KIAA0930: variants seen among roughly 807,000 people sequenced by gnomAD.
KIAA0930 encodes the protein uncharacterized protein KIAA0930.
KIAA0930 carries 24 observed loss-of-function variants against 43.9 expected under a neutral mutation model. The ratio of observed to expected loss-of-function variants is 0.55; its 90% CI spans 0.40 to 0.77. The LOEUF (loss-of-function observed/expected upper bound fraction) is 0.77, where lower values mean the gene tolerates loss of function less well. Among genes scored for constraint, KIAA0930 ranks in the 30% least tolerant of loss-of-function variants. The pLI, the probability that KIAA0930 is intolerant of heterozygous loss-of-function variation, is 0.00. For missense variants in KIAA0930, 461 were observed against 574.2 expected, an observed-to-expected ratio of 0.80 and a Z score of 2.02; for synonymous variants, 259 against 216.4, an observed-to-expected ratio of 1.20 and a Z score of -1.73.
At position 45,193,105 on chromosome 22, in the gene KIAA0930, C is replaced by T. The variant is rs994982023; in HGVS notation, c.*4071G>A. 12 of 152,164 alleles carry T rather than the reference C, an allele frequency of 7.9e-5. No homozygotes were observed. Among genetic ancestry groups the T allele is most frequent in the African/African-American group, 2.9e-4 (12 of 41,420 alleles). 9.4% of individuals were successfully genotyped at this position (152,164 alleles called of 1,614,324 possible). A position where few individuals can be genotyped will look rare whatever the true frequency, so the allele number is the denominator to read the frequency against. On this transcript the variant is annotated 3_prime_UTR_variant, in exon 10 of 10. Transcript: ENST00000336156. ...TTCCTTATCTCGTGGAGTGTCCGTC[C>T]TATCAGGTGGTTGTTTGTAAAACAA...
intron 1 of KIAA0930, among the ~76,000 whole-genome samples, chr22:45,239,909 C>T (rs2083906687): frequency 6.6e-6 from 1 of 152,192 alleles, no homozygotes; most frequent in African/African-American, 2.4e-5. Flanking sequence ...GGGCATGATC[C>T]ATCAGTAATG....
chr22:45,209,115 A>C (rs1161458512), intron 2 of KIAA0930, among the ~76,000 whole-genome samples: 2 of 152,190 alleles, frequency 1.3e-5, no homozygotes, highest in African/African-American at 4.8e-5. Flanking sequence ...GGTTCCTGGC[A>C]TCCTGTCCCC....
At chr22:45,203,367 TGGTGCCCCTCCC>T (rs755758554) in intron 6 of KIAA0930, among the ~76,000 whole-genome samples, 183 bp from the exon 7 acceptor site, 1 of 152,112 alleles carries the variant, frequency 6.6e-6, no homozygotes, top group Non-Finnish European at 1.5e-5. Flanking sequence ...GTGCCCCTCC[TGGTGCCCCTCCC>T]ACCGCCCCAT....
Position 45,203,062 on chromosome 22 carries a change from T to C in KIAA0930, c.780A>G (p.Arg260=). The C allele has an allele frequency of 6.2e-7, 1 of 1,613,764 alleles. No homozygotes were observed. Among genetic ancestry groups the C allele is most frequent in the Non-Finnish European group, 8.5e-7 (1 of 1,179,894 alleles). ...GKGHAEMAVS[R]VSTGDTSPCG... is the part of the protein sequence containing the mutation. The stretch of plus-strand genomic sequence containing the variant: ...AGGGGGATGTGTCACCTGTAGACAC[T>C]CGGCTGACCGCCATCTCGGCGTGGC... Residue 260 remains arginine, a synonymous_variant, in exon 7 of 10, where the codon CGA becomes CGG. Transcript: ENST00000336156.
intron 1 of KIAA0930, chr22:45,213,633 C>A (rs2147750683): frequency 5.3e-6 from 2 of 379,086 alleles, no homozygotes; most frequent in Non-Finnish European, 8.2e-6. Context: ...AACTTCAATT[C>A]TTTTTTACTT....
chr22:45,192,382 G>A lies in KIAA0930; in HGVS notation c.*4794C>T, dbSNP rs1432150865. 2 of 152,234 alleles carry A rather than the reference G, an allele frequency of 1.3e-5. No homozygotes were observed. The highest frequency in any genetic ancestry group is 2.9e-5 in the Non-Finnish European group (2 of 68,050). 9.4% of individuals were successfully genotyped at this position (152,234 alleles called of 1,614,324 possible). A position where few individuals can be genotyped will look rare whatever the true frequency, so the allele number is the denominator to read the frequency against. On this transcript the variant is annotated 3_prime_UTR_variant, in exon 10 of 10. Coordinates refer to ENST00000336156, the MANE Select transcript of KIAA0930 (RefSeq NM_001009880.2). ...CTGGATGTGGAAGAGGGTTAATAAA[G>A]ACGCTGTTGGTAACGCGTACAGAAC...
intron 1 of KIAA0930, chr22:45,212,526 C>T (rs2083704349): frequency 3.5e-6 from 5 of 1,411,332 alleles, no homozygotes; most frequent in Non-Finnish European, 3.7e-6. Flanking sequence ...ATCTCTCACC[C>T]CCACCCACTC....
intron 1 of KIAA0930, among the ~76,000 whole-genome samples, chr22:45,233,763 G>C (rs1230011387): frequency 6.6e-6 from 1 of 152,158 alleles, no homozygotes; most frequent in Non-Finnish European, 1.5e-5. Context: ...CCGAGGGAAG[G>C]TCTACTCAAC....
At chr22:45,207,485 ATTT>A (rs34108837) in intron 2 of KIAA0930, 11,712 of 137,730 alleles carry the variant, frequency 0.085, 518 homozygotes, top group East Asian at 0.2. Context: ...ACCACACGTA[ATTT>A]TTTTTTTTTT....
At chr22:45,199,328 C>T (rs1195107497) in intron 8 of KIAA0930, among the ~76,000 whole-genome samples, 1 of 152,192 alleles carries the variant, frequency 6.6e-6, no homozygotes, top group Non-Finnish European at 1.5e-5. Context: ...CACCCAGATA[C>T]AGACAACCGG....
chr22:45,197,056 C>T lies in KIAA0930; in HGVS notation c.*120G>A, dbSNP rs2083542841. Reference sequence around the variant, plus strand: ...GGCCCCGGGAGTCGAGTGGCCTCGCCTGGCTGCGGCTCCAGCACTGGCGTG... The same window carrying T: ...GGCCCCGGGAGTCGAGTGGCCTCGCTTGGCTGCGGCTCCAGCACTGGCGTG... On this transcript the variant is annotated 3_prime_UTR_variant, in exon 10 of 10. Coordinates refer to ENST00000336156, the MANE Select transcript of KIAA0930 (RefSeq NM_001009880.2). 3.4e-6 allele frequency: 3 copies of T among 877,832 alleles called. No homozygotes were observed. Among genetic ancestry groups the T allele is most frequent in the Non-Finnish European group, 5.0e-6 (3 of 597,048 alleles). 54.4% of individuals were successfully genotyped at this position (877,832 alleles called of 1,614,324 possible).
intron 1 of KIAA0930, among the ~76,000 whole-genome samples, chr22:45,218,894 G>A (rs2083750209): frequency 6.6e-6 from 1 of 152,168 alleles, no homozygotes; most frequent in African/African-American, 2.4e-5. Context: ...CACCATCAGG[G>A]CTTCCTGGGA....
intron 9 of KIAA0930, 33 bp from the exon 10 acceptor site, chr22:45,197,249 G>A (rs1454538163): frequency 1.3e-6 from 2 of 1,544,286 alleles, no homozygotes; most frequent in Admixed American, 2.0e-5. Flanking sequence ...AGGTGAAACA[G>A]TAACCCTCAA....
chr22:45,209,871 C>G (rs1413566965), intron 2 of KIAA0930, among the ~76,000 whole-genome samples: 1 of 152,196 alleles, frequency 6.6e-6, no homozygotes, highest in Admixed American at 6.5e-5. Flanking sequence ...CCCAAATTTT[C>G]AGCAGATCCT....
At chr22:45,207,192 A>C (rs186089825) in intron 2 of KIAA0930, among the ~76,000 whole-genome samples, 343 of 123,906 alleles carry the variant, frequency 2.8e-3, no homozygotes, top group African/African-American at 0.01. Flanking sequence ...TGTATTTTTA[A>C]TAGAGAGGGG....
chr22:45,195,491 C>T lies in KIAA0930; in HGVS notation c.*1685G>A, dbSNP rs1472729786. 1 of 152,442 alleles carries T rather than the reference C, an allele frequency of 6.6e-6. No individual in the cohort carries two copies. The highest frequency in any genetic ancestry group is 1.5e-5 in the Non-Finnish European group (1 of 68,154). 9.4% of individuals were successfully genotyped at this position (152,442 alleles called of 1,614,324 possible). A position where few individuals can be genotyped will look rare whatever the true frequency, so the allele number is the denominator to read the frequency against. ...GGACCATGCTCGGGGCTCCCTGAGG[C>T]TCTGTCCCCACACTTTGGGGCATGA... is the stretch of plus-strand genomic sequence containing the variant. On this transcript the variant is annotated 3_prime_UTR_variant, in exon 10 of 10. Transcript: ENST00000336156.
At chr22:45,237,798 G>A (rs531085952) in intron 1 of KIAA0930, among the ~76,000 whole-genome samples, 15 of 152,158 alleles carry the variant, frequency 9.9e-5, no homozygotes, top group Non-Finnish European at 1.0e-4. Flanking sequence ...GTGCTCCGGG[G>A]CTGGTGTTCT....
chr22:45,217,690 G>A (rs950876914), intron 1 of KIAA0930, among the ~76,000 whole-genome samples: 9 of 152,168 alleles, frequency 5.9e-5, no homozygotes, highest in Non-Finnish European at 1.0e-4. Flanking sequence ...GGAATTTTTC[G>A]ACACTGCATG....
rs147999085 is a variant in KIAA0930, at chr22:45,234,440, C to A, written c.64+6200G>T. Reference sequence around the variant, plus strand: ...TCTGAGGCTGGATCCTTTCTCAGCTCCCTGCATGCCCTCAGCAGGGACGCC... The same window carrying A: ...TCTGAGGCTGGATCCTTTCTCAGCTACCTGCATGCCCTCAGCAGGGACGCC... On this transcript the variant is annotated intron_variant, in intron 1 of 9. Coordinates refer to ENST00000336156, the MANE Select transcript of KIAA0930 (RefSeq NM_001009880.2). Among the ~76,000 whole-genome samples the A allele has an allele frequency of 6.9e-4, 105 of 152,350 alleles. 1 individual carries two copies. Among genetic ancestry groups the A allele is most frequent in the African/African-American group, 2.4e-3 (101 of 41,584 alleles).
Sources: gnomAD v4.1 joint callset for allele counts (sites outside exome capture counted in the v4.1 genomes callset) on GRCh38, gnomAD v4.1.1 for gene constraint, MANE v1.5 for transcripts, NCBI Gene and HGNC (gene_info 2026-07-23, HGNC 2026-07-21) for gene names.